CFAP299: variants seen among roughly 807,000 people sequenced by gnomAD.
CFAP299 encodes cilia and flagella associated protein 299.
A neutral mutation model predicts 27.0 loss-of-function variants in CFAP299; 21 were observed. That is an observed-to-expected ratio of 0.78 (90% CI 0.55 to 1.12). CFAP299 has a LOEUF of 1.12. Among genes scored for constraint, CFAP299 ranks in the 50% most tolerant of loss-of-function variants. The pLI is 0.00. For synonymous variants in CFAP299, 104 were observed against 98.1 expected (o/e 1.06, Z -0.36); for missense variants, 310 against 276.6 (o/e 1.12, Z -0.86).
chr4:80,539,478 G>A (rs1733899808), intron 2 of CFAP299, among the ~76,000 whole-genome samples: 1 of 152,164 alleles, frequency 6.6e-6, no homozygotes, highest in Admixed American at 6.5e-5. Flanking sequence ...GGATTGGCTA[G>A]TTTGAATAAT....
At chr4:80,751,520 A>G (rs1185533223) in intron 3 of CFAP299, among the ~76,000 whole-genome samples, 3 of 152,124 alleles carry the variant, frequency 2.0e-5, no homozygotes, top group Non-Finnish European at 4.4e-5. Context: ...CCATAGAACC[A>G]TAGCTGGAGT....
Position 80,335,813 on chromosome 4 carries a change from T to A in CFAP299, c.45T>A (p.Thr15=), listed in dbSNP as rs763202827. ...TGAAGGCCTTGGACAATATTGTCACTCAATTCAACGCCTATGAAGATTTCC... is the reference window on the plus strand; with the variant it reads ...TGAAGGCCTTGGACAATATTGTCACACAATTCAACGCCTATGAAGATTTCC... The part of the protein sequence containing the change: ...EGLKALDNIV[T]QFNAYEDFLD... Residue 15 remains threonine (T), a synonymous_variant, in exon 1 of 6, where the codon ACT becomes ACA. Coordinates refer to ENST00000358105, the MANE Select transcript of CFAP299 (RefSeq NM_152770.3). The A allele has an allele frequency of 1.2e-6, 2 of 1,613,898 alleles. No individual in the cohort carries two copies. Among genetic ancestry groups the A allele is most frequent in the East Asian group, 2.2e-5 (1 of 44,872 alleles).
At chr4:80,944,250 T>C (rs1737355874) in intron 4 of CFAP299, among the ~76,000 whole-genome samples, 2 of 152,100 alleles carry the variant, frequency 1.3e-5, no homozygotes, top group African/African-American at 4.8e-5. Context: ...TCGTTTTGCT[T>C]TGTCCATAAA....
At chr4:80,761,006 T>C (rs371235749) in intron 3 of CFAP299, among the ~76,000 whole-genome samples, 16 of 152,306 alleles carry the variant, frequency 1.1e-4, no homozygotes, top group Middle Eastern at 3.4e-3. Flanking sequence ...TAGGTAATCA[T>C]TGATGAACAA....
At chr4:80,679,112 A>G (rs1446667104) in intron 3 of CFAP299, among the ~76,000 whole-genome samples, 1 of 152,080 alleles carries the variant, frequency 6.6e-6, no homozygotes, top group Non-Finnish European at 1.5e-5. Context: ...GCTGCTCTTC[A>G]TCTCTATAAT....
chr4:80,534,649 CAT>C (rs1413649743), intron 2 of CFAP299, among the ~76,000 whole-genome samples: 2 of 151,904 alleles, frequency 1.3e-5, no homozygotes, highest in South Asian at 2.1e-4. Flanking sequence ...AGTATAAAGA[CAT>C]ATGTTTAAAG....
At chr4:80,476,446 C>T (rs1730276819) in intron 2 of CFAP299, among the ~76,000 whole-genome samples, 1 of 152,060 alleles carries the variant, frequency 6.6e-6, no homozygotes, top group Non-Finnish European at 1.5e-5. Flanking sequence ...TTCATTTGGA[C>T]TTTTTGATAC....
rs1254667800 is a variant in CFAP299, at chr4:80,410,942, A to T, written c.242+48058A>T. Among the ~76,000 whole-genome samples the T allele has an allele frequency of 7.9e-5, 12 of 152,286 alleles. 2 individuals carry two copies. In the South Asian group the frequency reaches 2.1e-3, roughly 26 times the overall value. ...TTAATAAGAATTAGGTTGGCTCCAAAAAGTAATCATCTGCATTAGGAGAAC... is the reference window on the plus strand; with the variant it reads ...TTAATAAGAATTAGGTTGGCTCCAATAAGTAATCATCTGCATTAGGAGAAC... On this transcript the variant is annotated intron_variant, in intron 2 of 5. Coordinates refer to ENST00000358105, the MANE Select transcript of CFAP299 (RefSeq NM_152770.3).
chr4:80,428,246 T>C (rs937554953), intron 2 of CFAP299, among the ~76,000 whole-genome samples: 1 of 152,198 alleles, frequency 6.6e-6, no homozygotes, highest in Non-Finnish European at 1.5e-5. Context: ...CTTTTGTTTC[T>C]AGTTTAATTC....
chr4:80,929,380 C>T (rs1169111081), intron 4 of CFAP299, among the ~76,000 whole-genome samples: 1 of 151,892 alleles, frequency 6.6e-6, no homozygotes, highest in African/African-American at 2.4e-5. Context: ...CTCTGTAGCA[C>T]CACTATCCCT....
At chr4:80,780,238 A>G (rs1726793512) in intron 3 of CFAP299, among the ~76,000 whole-genome samples, 1 of 152,032 alleles carries the variant, frequency 6.6e-6, no homozygotes, top group South Asian at 2.1e-4. Flanking sequence ...CCTCACCAGC[A>G]TGTCTTTAGC....
At chr4:80,655,933 C>A (rs1740534429) in intron 3 of CFAP299, among the ~76,000 whole-genome samples, 2 of 152,278 alleles carry the variant, frequency 1.3e-5, no homozygotes, top group South Asian at 4.1e-4. Flanking sequence ...GCTGTTCTTG[C>A]TTCTCTTGCT....
At chr4:80,706,576 A>C (rs548461584) in intron 3 of CFAP299, among the ~76,000 whole-genome samples, 1 of 152,094 alleles carries the variant, frequency 6.6e-6, no homozygotes, top group Admixed American at 6.6e-5. Flanking sequence ...AGAGAAAATT[A>C]TTAAAATTTT....
intron 3 of CFAP299, among the ~76,000 whole-genome samples, chr4:80,815,936 A>AT (rs1460280077): frequency 1.3e-5 from 2 of 152,006 alleles, no homozygotes; most frequent in Non-Finnish European, 2.9e-5. Flanking sequence ...GAAATAAAAT[A>AT]TTTTTACAAT....
chr4:80,941,665 AC>A (rs1560486013), intron 4 of CFAP299, among the ~76,000 whole-genome samples: 14 of 152,166 alleles, frequency 9.2e-5, no homozygotes, highest in Admixed American at 7.9e-4. Context: ...ATTTAAAAAA[AC>A]AAAACAAAAC....
At chr4:80,870,166 A>T in intron 4 of CFAP299, 31 bp downstream of exon 4, 1 of 1,570,480 alleles carries the variant, frequency 6.4e-7, no homozygotes, top group Non-Finnish European at 8.6e-7. Context: ...GCACCCTTAG[A>T]GGCAGGGACA....
At chr4:80,943,644 TATA>T in intron 4 of CFAP299, among the ~76,000 whole-genome samples, 1 of 152,282 alleles carries the variant, frequency 6.6e-6, no homozygotes, top group African/African-American at 2.4e-5. Context: ...TTTTATATTT[TATA>T]AGATATGTAA....
At chr4:80,475,315 C>G (rs140932744) in intron 2 of CFAP299, among the ~76,000 whole-genome samples, 2 of 152,148 alleles carry the variant, frequency 1.3e-5, no homozygotes, top group African/African-American at 4.8e-5. Flanking sequence ...AGCAGGCAGA[C>G]CAGTTACCGG....
At chr4:80,717,796 T>C (rs940461644) in intron 3 of CFAP299, among the ~76,000 whole-genome samples, 1 of 152,126 alleles carries the variant, frequency 6.6e-6, no homozygotes, top group Non-Finnish European at 1.5e-5. Context: ...AGTCTAATTC[T>C]CATTTTATCC....
Sources: allele counts gnomAD v4.1 joint callset (sites outside exome capture counted in the v4.1 genomes callset), GRCh38; gene constraint gnomAD v4.1.1; transcripts MANE v1.5; gene names NCBI Gene and HGNC (gene_info 2026-07-23, HGNC 2026-07-21).